The following FRMD4A variants were observed in gnomAD, a reference collection of about 807,000 sequenced individuals.
FRMD4A encodes FERM domain containing 4A, also known as FERM domain-containing protein 4A.
A neutral mutation model predicts 129.1 loss-of-function variants in FRMD4A; 29 were observed. The ratio of observed to expected loss-of-function variants is 0.22; its 90% CI spans 0.17 to 0.31. FRMD4A has a LOEUF of 0.31. Among genes scored for constraint, FRMD4A ranks in the 10% least tolerant of loss-of-function variants. The probability of loss-of-function intolerance (pLI) is 1.00; values close to 1 mark genes in which losing one functional copy is unlikely to be tolerated. For synonymous variants in FRMD4A, 634 were observed against 571.6 expected, an observed-to-expected ratio of 1.11 and a Z score of -1.56; for missense variants, 1,272 against 1,375.8, an observed-to-expected ratio of 0.92 and a Z score of 1.19.
intron 2 of FRMD4A, among the ~76,000 whole-genome samples, chr10:13,978,168 A>C (rs1484463390): frequency 6.6e-6 from 1 of 152,188 alleles, no homozygotes; most frequent in African/African-American, 2.4e-5. Context: ...TTCTGATTAC[A>C]GCCATCCTAG....
intron 4 of FRMD4A, among the ~76,000 whole-genome samples, chr10:13,804,362 A>G (rs556494586): frequency 1.4e-4 from 22 of 152,304 alleles, no homozygotes; most frequent in African/African-American, 5.3e-4. Context: ...GCTTGTGGCC[A>G]GGAATGCTGA....
At chr10:13,976,886 A>G (rs2095543867) in intron 2 of FRMD4A, among the ~76,000 whole-genome samples, 1 of 152,208 alleles carries the variant, frequency 6.6e-6, no homozygotes, top group Non-Finnish European at 1.5e-5. Flanking sequence ...TGCAAATAGC[A>G]TTTTTAAAAA....
intron 2 of FRMD4A, among the ~76,000 whole-genome samples, chr10:13,900,498 G>A (rs1483730654): frequency 2.0e-5 from 3 of 152,160 alleles, no homozygotes; most frequent in Non-Finnish European, 2.9e-5. Flanking sequence ...CTGTATTCCA[G>A]CGAGTACCAC....
chr10:13,946,353 A>G, intron 2 of FRMD4A, among the ~76,000 whole-genome samples: 1 of 152,318 alleles, frequency 6.6e-6, no homozygotes, highest in South Asian at 2.1e-4. Flanking sequence ...CCTCAGCCAT[A>G]TTGTCAACCA....
chr10:14,177,657 G>T (rs562849976), intron 2 of FRMD4A, among the ~76,000 whole-genome samples: 2 of 152,252 alleles, frequency 1.3e-5, no homozygotes, highest in South Asian at 2.1e-4. Context: ...AACAAAATTC[G>T]ACTGATTGCA....
intron 2 of FRMD4A, among the ~76,000 whole-genome samples, chr10:13,864,746 T>C (rs2094342848): frequency 6.6e-6 from 1 of 151,986 alleles, no homozygotes; most frequent in Admixed American, 6.6e-5. Flanking sequence ...AGGCTAATTT[T>C]TTGCATTTTT....
Position 13,747,751 on chromosome 10 carries a change from GGGTGCTCCTTCAGGGCTTGGGT to G in FRMD4A, c.511_532del (p.Thr171LeufsTer17). 1 of 1,587,706 alleles carries G rather than the reference GGGTGCTCCTTCAGGGCTTGGGT, an allele frequency of 6.3e-7. No homozygotes were observed. Among genetic ancestry groups the G allele is most frequent in the Non-Finnish European group, 8.6e-7 (1 of 1,156,226 alleles). On this transcript the variant is annotated frameshift_variant, in exon 9 of 25. Coordinates refer to ENST00000357447, the MANE Select transcript of FRMD4A (RefSeq NM_018027.5). LOFTEE classifies it high-confidence loss of function. ...GGGGTCTTACCAGTAGGCCAGGGAA[GGGTGCTCCTTCAGGGCTTGGGT>G]GGGAAGGGCTGGCAGCTTCTTCAAG...
chr10:14,235,519 G>A (rs1843781965), intron 2 of FRMD4A, among the ~76,000 whole-genome samples: 3 of 152,070 alleles, frequency 2.0e-5, no homozygotes, highest in Admixed American at 6.6e-5. Context: ...GTTGTTCCTG[G>A]TTTACACTAT....
intron 12 of FRMD4A, among the ~76,000 whole-genome samples, chr10:13,726,934 C>T (rs149451007): frequency 2.7e-5 from 4 of 149,558 alleles, no homozygotes; most frequent in Non-Finnish European, 4.5e-5. Flanking sequence ...CCCACGATGT[C>T]GCTCTGTCGC....
chr10:13,968,699 C>T (rs1223152335), intron 2 of FRMD4A, among the ~76,000 whole-genome samples: 1 of 152,206 alleles, frequency 6.6e-6, no homozygotes, highest in African/African-American at 2.4e-5. Context: ...GGTGATCCAC[C>T]CACCTTGGCC....
At chr10:13,839,564 C>T (rs1366122525) in intron 3 of FRMD4A, among the ~76,000 whole-genome samples, 2 of 152,156 alleles carry the variant, frequency 1.3e-5, no homozygotes, top group Non-Finnish European at 1.5e-5. Flanking sequence ...TTGGCGTCCT[C>T]CTGTTTTCTT....
intron 2 of FRMD4A, among the ~76,000 whole-genome samples, chr10:13,962,404 T>C (rs1483491333): frequency 6.6e-6 from 1 of 152,250 alleles, no homozygotes; most frequent in Non-Finnish European, 1.5e-5. Flanking sequence ...TTCAAAAAGA[T>C]ATGCATATAT....
At chr10:14,006,813 G>T (rs2095663845) in intron 2 of FRMD4A, among the ~76,000 whole-genome samples, 1 of 152,146 alleles carries the variant, frequency 6.6e-6, no homozygotes, top group East Asian at 1.9e-4. Context: ...TAAGATCTAA[G>T]CTATTGGAAT....
intron 2 of FRMD4A, among the ~76,000 whole-genome samples, chr10:13,954,199 C>T (rs1356811244): frequency 2.0e-5 from 3 of 152,138 alleles, no homozygotes; most frequent in Non-Finnish European, 4.4e-5. Flanking sequence ...AATCAGTTTC[C>T]TATTGCACTC....
chr10:14,007,206 C>T (rs758996362), intron 2 of FRMD4A: 2 of 152,166 alleles, frequency 1.3e-5, no homozygotes, highest in African/African-American at 4.8e-5. Flanking sequence ...TACACCTTAA[C>T]TGAAGACGTC....
At chr10:13,889,611 C>G (rs2094670961) in intron 2 of FRMD4A, among the ~76,000 whole-genome samples, 2 of 152,152 alleles carry the variant, frequency 1.3e-5, no homozygotes, top group African/African-American at 4.8e-5. Context: ...AATAACAAGT[C>G]TTATTAATAA....
intron 2 of FRMD4A, among the ~76,000 whole-genome samples, chr10:14,024,409 G>A (rs1156412134): frequency 1.3e-5 from 2 of 152,196 alleles, no homozygotes; most frequent in Non-Finnish European, 2.9e-5. Flanking sequence ...CAGCTTGGCA[G>A]CCAAAGTCAT....
rs773933481 is a variant in FRMD4A, at chr10:13,884,144, T to TCACACACTCACTCACACACA, written c.46-25233_46-25232insTGTGTGTGAGTGAGTGTGTG. Among the ~76,000 whole-genome samples the TCACACACTCACTCACACACA allele has an allele frequency of 2.4e-4, 25 of 105,158 alleles. 1 individual carries two copies. In the East Asian group the frequency reaches 6.0e-3, roughly 25 times the overall value. 69.0% of individuals were successfully genotyped at this position (105,158 alleles called of 152,430 possible). On this transcript the variant is annotated intron_variant, in intron 2 of 24. Coordinates refer to ENST00000357447, the MANE Select transcript of FRMD4A (RefSeq NM_018027.5). ...CACTCACACACACGCTCACACACAC[T>TCACACACTCACTCACACACA]CTCACACACTCTCACACACACACTC...
intron 2 of FRMD4A, among the ~76,000 whole-genome samples, chr10:14,310,557 T>C (rs1261910790): frequency 6.6e-6 from 1 of 152,306 alleles, no homozygotes; most frequent in South Asian, 2.1e-4. Flanking sequence ...ATGTTCAACA[T>C]GGAGGCTCCA....
Sources: gnomAD v4.1 joint callset for allele counts (sites outside exome capture counted in the v4.1 genomes callset) on GRCh38, gnomAD v4.1.1 for gene constraint, MANE v1.5 for transcripts, NCBI Gene and HGNC (gene_info 2026-07-23, HGNC 2026-07-21) for gene names.